LRP1B: variants seen among roughly 807,000 people sequenced by gnomAD.
The protein encoded by LRP1B is LDL receptor related protein 1B.
A neutral mutation model predicts 556.6 loss-of-function variants in LRP1B; 217 were observed. The observed-to-expected ratio is 0.39, with a 90% CI of 0.35 to 0.44. The LOEUF (loss-of-function observed/expected upper bound fraction) is 0.44. Ranked by LOEUF, LRP1B falls within the 20% of genes least tolerant of loss-of-function variation. LRP1B has a pLI of 1.00. For missense variants in LRP1B, 5,053 were observed against 5,620.8 expected (o/e 0.90, Z 3.23); for synonymous variants, 2,047 against 1,865.8 (o/e 1.10, Z -2.50).
At chr2:141,097,116 A>AT (rs1700342808) in intron 7 of LRP1B, among the ~76,000 whole-genome samples, 1 of 152,198 alleles carries the variant, frequency 6.6e-6, no homozygotes, top group Admixed American at 6.5e-5. Context: ...ATTAAGAGCT[A>AT]TTTGTTTCTG....
At chr2:140,433,036 T>A (rs577605442) in intron 66 of LRP1B, among the ~76,000 whole-genome samples, 12 of 152,330 alleles carry the variant, frequency 7.9e-5, no homozygotes, top group African/African-American at 2.9e-4. Flanking sequence ...TACAATTTAC[T>A]TGGTAATAGA....
chr2:140,362,367 G>T (rs1377000720), intron 72 of LRP1B, among the ~76,000 whole-genome samples: 2 of 151,556 alleles, frequency 1.3e-5, no homozygotes, highest in African/African-American at 4.8e-5. Context: ...TCAATTTAAG[G>T]TTTTCTGACT....
chr2:141,231,195 T>G (rs1008166981), intron 5 of LRP1B, among the ~76,000 whole-genome samples: 1 of 152,228 alleles, frequency 6.6e-6, no homozygotes, highest in Non-Finnish European at 1.5e-5. Flanking sequence ...GCATATACTA[T>G]AACTAATGGA....
At chr2:141,089,716 A>G (rs1286844364) in intron 7 of LRP1B, among the ~76,000 whole-genome samples, 1 of 152,178 alleles carries the variant, frequency 6.6e-6, no homozygotes, top group East Asian at 1.9e-4. Context: ...TGGGATATTT[A>G]TATACTACCT....
At chr2:140,966,849 T>C (rs1029855048) in intron 18 of LRP1B, among the ~76,000 whole-genome samples, 5 of 152,142 alleles carry the variant, frequency 3.3e-5, no homozygotes, top group African/African-American at 4.8e-5. Context: ...GATCAGATGG[T>C]TGTAGATGTG....
intron 83 of LRP1B, among the ~76,000 whole-genome samples, chr2:140,303,012 C>T (rs982287950): frequency 3.6e-5 from 3 of 82,836 alleles, no homozygotes; most frequent in South Asian, 4.8e-4. Context: ...AAATCTCCTT[C>T]ATATATATAT....
At chr2:141,070,140 T>G (rs1699597104) in intron 7 of LRP1B, among the ~76,000 whole-genome samples, 1 of 151,944 alleles carries the variant, frequency 6.6e-6, no homozygotes, top group African/African-American at 2.4e-5. Context: ...AACTCATCAT[T>G]TTTTATGGCT....
At chr2:141,194,199 C>G (rs1681649710) in intron 6 of LRP1B, among the ~76,000 whole-genome samples, 1 of 152,078 alleles carries the variant, frequency 6.6e-6, no homozygotes, top group African/African-American at 2.4e-5. Flanking sequence ...TGTTAATGAG[C>G]TAAATGTCTG....
chr2:140,748,591 G>GTA (rs70988428), intron 35 of LRP1B, among the ~76,000 whole-genome samples: 948 of 73,240 alleles, frequency 0.013, 8 homozygotes, highest in African/African-American at 0.034. Flanking sequence ...TATACAGTGT[G>GTA]TATATATATA....
At position 140,510,136 on chromosome 2, in the gene LRP1B, A is replaced by AG. The variant is rs1016704070; in HGVS notation, c.8270-81dup. ...TCTACCATTTACATTTTCTACAGTA[A>AG]GGGGGGAAGCAGAAGAATGTTGCTT... On this transcript the variant is annotated intron_variant, in intron 51 of 90. Transcript: ENST00000389484. The AG allele has an allele frequency of 4.1e-6, 6 of 1,479,704 alleles. No homozygotes were observed. The African/African-American group carries it at 4.2e-5, about 10-fold the overall frequency. The allele number at this position is 1,479,704 out of a possible 1,614,324, so 91.7% of individuals were successfully genotyped here. A position where few individuals can be genotyped will look rare whatever the true frequency, so the allele number is the denominator to read the frequency against.
rs114154321 is a variant in LRP1B, at chr2:141,562,418, A to G, written c.206-81885T>C. ...TGAGTTTTTCTTACTCCCTCAGTAT[A>G]GTACTAATTAATTTACTATTACTCC... On this transcript the variant is annotated intron_variant, in intron 2 of 90. Transcript: ENST00000389484. Among the ~76,000 whole-genome samples, 932 of 152,058 alleles carry G rather than the reference A, an allele frequency of 6.1e-3. 8 individuals carry two copies. The highest frequency in any genetic ancestry group is 0.02 in the African/African-American group (843 of 41,522).
At chr2:140,734,211 A>G (rs997551142) in intron 35 of LRP1B, among the ~76,000 whole-genome samples, 4 of 152,226 alleles carry the variant, frequency 2.6e-5, no homozygotes, top group Non-Finnish European at 5.9e-5. Context: ...CGAAATTCAG[A>G]AAAGTAAGAA....
At position 140,902,911 on chromosome 2, in the gene LRP1B, G is replaced by A. The variant is rs2105222367; in HGVS notation, c.3766+9C>T. 1 of 1,611,294 alleles carries A rather than the reference G, an allele frequency of 6.2e-7. No homozygotes were observed. The highest frequency in any genetic ancestry group is 8.5e-7 in the Non-Finnish European group (1 of 1,177,902). On this transcript the variant is annotated intron_variant, in intron 23 of 90. Transcript: ENST00000389484. ...TAAATATAGCAACACACACAAAATA[G>A]TTACTTACCAACACTTGTACAACTT...
chr2:141,618,755 G>A (rs1688400459), intron 2 of LRP1B, among the ~76,000 whole-genome samples: 1 of 152,150 alleles, frequency 6.6e-6, no homozygotes, highest in African/African-American at 2.4e-5. Flanking sequence ...CTTAGTCTCT[G>A]CTGCTGAATA....
rs72994127 is a variant in LRP1B at position 142,093,748 on chromosome 2, A to G, written c.82+36900T>C. Among the ~76,000 whole-genome samples the G allele has an allele frequency of 5.7e-3, 871 of 152,204 alleles. 6 individuals are homozygous for G. Among genetic ancestry groups the G allele is most frequent in the African/African-American group, 0.02 (822 of 41,554 alleles). ...TAAAGATCTTGAGGAGTTTAGCAAA[A>G]GAAAAAAAGATAAGGTTATAGAGCA... On this transcript the variant is annotated intron_variant, in intron 1 of 90. Coordinates refer to ENST00000389484, the MANE Select transcript of LRP1B (RefSeq NM_018557.3).
chr2:141,810,933 T>C (rs1696334285), intron 1 of LRP1B, among the ~76,000 whole-genome samples: 1 of 152,030 alleles, frequency 6.6e-6, no homozygotes, highest in Non-Finnish European at 1.5e-5. Flanking sequence ...TTTTCTTTTT[T>C]TTTTCCATGA....
intron 7 of LRP1B, among the ~76,000 whole-genome samples, chr2:141,155,021 AAAC>A (rs1293856099): frequency 1.3e-5 from 2 of 152,020 alleles, no homozygotes; most frequent in African/African-American, 4.8e-5. Context: ...AGTAAAAATA[AAAC>A]AAAAGTAGTT....
At chr2:141,596,693 T>A (rs1574120626) in intron 2 of LRP1B, among the ~76,000 whole-genome samples, 1 of 152,006 alleles carries the variant, frequency 6.6e-6, no homozygotes, top group African/African-American at 2.4e-5. Flanking sequence ...AATTTCAACT[T>A]CCTTTCACTT....
At chr2:141,659,296 CTG>C (rs896341753) in intron 2 of LRP1B, among the ~76,000 whole-genome samples, 1 of 152,144 alleles carries the variant, frequency 6.6e-6, no homozygotes, top group Non-Finnish European at 1.5e-5. Context: ...CATAAGGTCT[CTG>C]TTGCAAACAG....
Sources: allele counts gnomAD v4.1 joint callset (sites outside exome capture counted in the v4.1 genomes callset), GRCh38; gene constraint gnomAD v4.1.1; transcripts MANE v1.5; gene names NCBI Gene and HGNC (gene_info 2026-07-23, HGNC 2026-07-21).